Variants in PCSK6 observed in about 807,000 individuals in gnomAD.
The protein encoded by PCSK6 is paired basic amino acid cleaving enzyme 4.
PCSK6 carries 85 observed loss-of-function variants against 123.3 expected under a neutral mutation model. The ratio of observed to expected loss-of-function variants is 0.69; its 90% CI spans 0.58 to 0.83. PCSK6 has a LOEUF of 0.83. Among genes scored for constraint, PCSK6 ranks in the 40% least tolerant of loss-of-function variants. PCSK6 has a pLI of 0.00. For missense variants in PCSK6, 1,191 were observed against 1,282.3 expected (o/e 0.93, Z 1.09); for synonymous variants, 508 against 516.0 (o/e 0.98, Z 0.21).
chr15:101,431,493 C>CG, intron 3 of PCSK6, 30 bp from the exon 4 acceptor site: 2 of 1,612,720 alleles, frequency 1.2e-6, no homozygotes, highest in South Asian at 2.2e-5. Flanking sequence ...AAAGTCCCCC[C>CG]GACATGGACA....
chr15:101,385,613 G>A lies in PCSK6; in HGVS notation c.1311-1188C>T, dbSNP rs187609527. Among the ~76,000 whole-genome samples, 23 of 152,258 alleles carry A rather than the reference G, an allele frequency of 1.5e-4. 1 individual carries two copies. In the East Asian group the frequency reaches 1.5e-3, roughly 10 times the overall value. On this transcript the variant is annotated intron_variant, in intron 9 of 21. Transcript: ENST00000611716. ...TACAACTTTATGGCATCTTGGATTC[G>A]ATGAAATATAGTATTTTTCATACTA...
rs569307102 is a variant in PCSK6, at chr15:101,398,251, G to A, written c.996+153C>T. ...TCAAGAGCCACTTCTCAGACTCCCCGAGTGACTCCTCCACACTGGCCCTGG... is the reference window on the plus strand; with the variant it reads ...TCAAGAGCCACTTCTCAGACTCCCCAAGTGACTCCTCCACACTGGCCCTGG... On this transcript the variant is annotated intron_variant, in intron 7 of 21. Coordinates refer to ENST00000611716, the MANE Select transcript of PCSK6 (RefSeq NM_002570.5). The surrounding 1 kb of genome is among the most constrained non-coding windows in gnomAD (Gnocchi z 4.6). 1.7e-3 allele frequency among the ~76,000 whole-genome samples: 254 copies of A among 152,260 alleles called. No individual in the cohort carries two copies. Among genetic ancestry groups the A allele is most frequent in the African/African-American group, 5.8e-3 (242 of 41,560 alleles).
At chr15:101,340,212 C>T (rs1203928270) in intron 13 of PCSK6, among the ~76,000 whole-genome samples, 1 of 152,136 alleles carries the variant, frequency 6.6e-6, no homozygotes, top group Non-Finnish European at 1.5e-5. Flanking sequence ...CACCCACACT[C>T]ACGTACTTAC....
At chr15:101,484,826 G>A (rs766937277) in intron 1 of PCSK6, among the ~76,000 whole-genome samples, 1 of 152,146 alleles carries the variant, frequency 6.6e-6, no homozygotes, top group Non-Finnish European at 1.5e-5. Flanking sequence ...TCTAACCACT[G>A]TAGAGTCTTG....
intron 13 of PCSK6, chr15:101,346,269 C>T (rs2040725797): frequency 6.6e-6 from 1 of 152,102 alleles, no homozygotes; most frequent in African/African-American, 2.4e-5. Context: ...GCTGTCCGCT[C>T]ATAATAGGAA....
At chr15:101,468,736 T>G (rs1387861488) in intron 1 of PCSK6, among the ~76,000 whole-genome samples, 5 of 152,222 alleles carry the variant, frequency 3.3e-5, no homozygotes, top group South Asian at 2.1e-4. Context: ...CAGTATGGAC[T>G]GCTGTTAGGT....
chr15:101,334,032 G>C (rs2040423185), intron 13 of PCSK6, among the ~76,000 whole-genome samples: 1 of 152,170 alleles, frequency 6.6e-6, no homozygotes, highest in Non-Finnish European at 1.5e-5. Flanking sequence ...AGGTAAGCAA[G>C]GCCCTCCTAC....
intron 11 of PCSK6, among the ~76,000 whole-genome samples, chr15:101,381,626 C>T (rs1255190643): frequency 6.6e-6 from 1 of 152,214 alleles, no homozygotes; most frequent in Non-Finnish European, 1.5e-5. Flanking sequence ...CCCAGCTGCT[C>T]CTGCTCAGGC....
chr15:101,480,463 G>A (rs2057847525), intron 1 of PCSK6, among the ~76,000 whole-genome samples: 1 of 152,226 alleles, frequency 6.6e-6, no homozygotes, highest in South Asian at 2.1e-4. Context: ...GGCATTGATG[G>A]GCTGGTTGCC....
intron 2 of PCSK6, among the ~76,000 whole-genome samples, chr15:101,440,528 AC>A (rs1224232268): frequency 6.6e-5 from 10 of 152,162 alleles, no homozygotes. Flanking sequence ...GCACTCCTAT[AC>A]AATAGGGACT....
At chr15:101,477,651 C>T (rs2057766780) in intron 1 of PCSK6, among the ~76,000 whole-genome samples, 1 of 152,156 alleles carries the variant, frequency 6.6e-6, no homozygotes, top group Non-Finnish European at 1.5e-5. Flanking sequence ...TCCACATATC[C>T]TTTCTGTATT....
intron 6 of PCSK6, among the ~76,000 whole-genome samples, chr15:101,413,809 T>C (rs2055789495): frequency 6.6e-6 from 1 of 151,718 alleles, no homozygotes; most frequent in Non-Finnish European, 1.5e-5. Flanking sequence ...ACCTCTTAAA[T>C]ATGTGAAATG....
At chr15:101,488,727 C>T (rs1567266783) in intron 1 of PCSK6, among the ~76,000 whole-genome samples, 1 of 152,038 alleles carries the variant, frequency 6.6e-6, no homozygotes, top group Non-Finnish European at 1.5e-5. Flanking sequence ...GTTTTAAACC[C>T]AGGACCCCCG....
intron 1 of PCSK6, among the ~76,000 whole-genome samples, chr15:101,483,001 C>T (rs1397340080): frequency 1.3e-5 from 2 of 152,224 alleles, no homozygotes; most frequent in Non-Finnish European, 2.9e-5. Flanking sequence ...CGGGTGAAGA[C>T]GTCAGATAGG....
intron 6 of PCSK6, among the ~76,000 whole-genome samples, chr15:101,400,313 A>C (rs1385401277): frequency 6.6e-6 from 1 of 152,186 alleles, no homozygotes; most frequent in Non-Finnish European, 1.5e-5. Context: ...TCCAAGGCTT[A>C]GTGGCTGCAG....
intron 1 of PCSK6, among the ~76,000 whole-genome samples, chr15:101,460,886 T>C (rs887901155): frequency 6.6e-6 from 1 of 152,188 alleles, no homozygotes; most frequent in Non-Finnish European, 1.5e-5. Context: ...TCATGGGAAC[T>C]GTGGACATGA....
In PCSK6 at chr15:101,431,544, G is replaced by A. The variant is rs751216226; in HGVS notation, c.514-81C>T. On this transcript the variant is annotated intron_variant, in intron 3 of 21. Transcript: ENST00000611716. ...TGACACTCGGTGCACACCCCACAGG[G>A]AGGCGCTTAGGCTTGCAAGTAAAAA... 3 of 1,564,952 alleles carry A rather than the reference G, an allele frequency of 1.9e-6. No individual in the cohort carries two copies. In the East Asian group the frequency reaches 6.8e-5, roughly 35 times the overall value.
intron 5 of PCSK6, 92 bp from the exon 6 acceptor site, chr15:101,428,072 G>T: frequency 1.9e-6 from 2 of 1,029,512 alleles, no homozygotes; most frequent in Non-Finnish European, 2.9e-6. Flanking sequence ...AAGAGAGTCA[G>T]TTGTCCGAAG....
chr15:101,393,363 TC>T lies in PCSK6; in HGVS notation c.1057del (p.Asp353ThrfsTer82). The T allele has an allele frequency of 6.2e-7, 1 of 1,603,098 alleles. No homozygotes were observed. Among genetic ancestry groups the T allele is most frequent in the Non-Finnish European group, 8.5e-7 (1 of 1,174,916 alleles). ...GGTGTAGCCATCGCACGAGCAGTAG[TC>T]CCCCTCTCTCCCGCCATTCCCAGAT... The part of the protein sequence containing the change: ...WASGNGGREG[D>X]YCSCDGYTNS... On this transcript the variant is annotated frameshift_variant, in exon 8 of 22. Coordinates refer to ENST00000611716, the MANE Select transcript of PCSK6 (RefSeq NM_002570.5). LOFTEE classifies it high-confidence loss of function.
Sources: gnomAD v4.1 joint callset for allele counts (sites outside exome capture counted in the v4.1 genomes callset) on GRCh38, gnomAD v4.1.1 for gene constraint, Gnocchi (gnomAD v3.1) non-coding constraint, MANE v1.5 for transcripts, NCBI Gene and HGNC (gene_info 2026-07-23, HGNC 2026-07-21) for gene names.